The following ROBO2 variants were observed in gnomAD, a reference collection of about 807,000 sequenced individuals.
ROBO2 encodes roundabout guidance receptor 2, also known as roundabout homolog 2.
ROBO2 carries 53 observed loss-of-function variants against 160.8 expected under a neutral mutation model. That is an observed-to-expected ratio of 0.33 (90% CI 0.26 to 0.41). The LOEUF (loss-of-function observed/expected upper bound fraction) is 0.41. Ranked by LOEUF, ROBO2 falls within the 10% of genes least tolerant of loss-of-function variation. The pLI is 1.00. For synonymous variants in ROBO2, 664 were observed against 611.7 expected (o/e 1.09, Z -1.26); for missense variants, 1,577 against 1,722.4 (o/e 0.92, Z 1.49).
chr3:75,977,994 C>T (rs2065176143), intron 2 of ROBO2, among the ~76,000 whole-genome samples: 1 of 151,386 alleles, frequency 6.6e-6, no homozygotes, highest in African/African-American at 2.4e-5. Flanking sequence ...GTTAAATTAG[C>T]AAGAAGTAAT....
intron 2 of ROBO2, among the ~76,000 whole-genome samples, chr3:77,391,887 G>C (rs2153501607): frequency 6.6e-6 from 1 of 152,102 alleles, no homozygotes; most frequent in South Asian, 2.1e-4. Context: ...GTAAAGTGAT[G>C]TACTTTAGAT....
At chr3:77,156,717 C>T (rs140963725) in intron 2 of ROBO2, among the ~76,000 whole-genome samples, 4,723 of 150,192 alleles carry the variant, frequency 0.031, 251 homozygotes, top group African/African-American at 0.11. Flanking sequence ...GTGATTAGTA[C>T]TTTTTAATAT....
At chr3:77,519,504 C>T (rs1451465057) in intron 5 of ROBO2, among the ~76,000 whole-genome samples, 1 of 150,988 alleles carries the variant, frequency 6.6e-6, no homozygotes, top group Non-Finnish European at 1.5e-5. Context: ...CCCTTAACCC[C>T]CTCCTTCTCT....
At chr3:76,560,300 A>G (rs2084085388) in intron 2 of ROBO2, among the ~76,000 whole-genome samples, 1 of 152,044 alleles carries the variant, frequency 6.6e-6, no homozygotes, top group African/African-American at 2.4e-5. Flanking sequence ...AAACCCAAAT[A>G]TATCTTCCAC....
intron 5 of ROBO2, among the ~76,000 whole-genome samples, chr3:77,501,300 C>T (rs1343447957): frequency 6.6e-6 from 1 of 150,520 alleles, no homozygotes; most frequent in South Asian, 2.1e-4. Flanking sequence ...TAACTCTAAG[C>T]AAAAGGTAAA....
chr3:77,360,474 A>C (rs938317144), intron 2 of ROBO2, among the ~76,000 whole-genome samples: 3 of 152,200 alleles, frequency 2.0e-5, no homozygotes, highest in African/African-American at 7.2e-5. Flanking sequence ...AGTATCTATT[A>C]TCATAAAATG....
At chr3:76,049,401 A>ATTTTTTTT (rs1306305555) in intron 2 of ROBO2, among the ~76,000 whole-genome samples, 2,632 of 62,550 alleles carry the variant, frequency 0.042, 154 homozygotes, top group Middle Eastern at 0.11. Context: ...ATATATATAT[A>ATTTTTTTT]TATTTTTTTT....
intron 2 of ROBO2, among the ~76,000 whole-genome samples, chr3:76,555,401 A>G (rs567644708): frequency 1.4e-5 from 1 of 72,706 alleles, no homozygotes; most frequent in African/African-American, 2.9e-5. Flanking sequence ...AAGAAGAAGA[A>G]GAAGAAGAAG....
At chr3:77,049,426 A>G (rs1045254808) in intron 1 of ROBO2, among the ~76,000 whole-genome samples, 1 of 152,216 alleles carries the variant, frequency 6.6e-6, no homozygotes, top group African/African-American at 2.4e-5. Context: ...ATATGCATGT[A>G]GCATATCTGT....
chr3:76,501,874 G>A (rs529117148), intron 2 of ROBO2, among the ~76,000 whole-genome samples: 4 of 152,182 alleles, frequency 2.6e-5, no homozygotes, highest in Admixed American at 1.3e-4. Flanking sequence ...TTACATGTAC[G>A]CTGTTTGACT....
intron 2 of ROBO2, among the ~76,000 whole-genome samples, chr3:76,748,646 G>T (rs2597237): frequency 0.85 from 128,337 of 151,798 alleles, 54,361 homozygotes; most frequent in African/African-American, 0.88. Context: ...AAAACAAGTG[G>T]GTACATTTTT....
chr3:77,131,773 C>A (rs1205526124), intron 2 of ROBO2, among the ~76,000 whole-genome samples: 2 of 151,996 alleles, frequency 1.3e-5, no homozygotes, highest in Non-Finnish European at 2.9e-5. Context: ...AGTCTCCATT[C>A]TCTTTTTATA....
intron 1 of ROBO2, among the ~76,000 whole-genome samples, chr3:77,086,556 C>T (rs1347337413): frequency 1.3e-5 from 2 of 152,132 alleles, no homozygotes; most frequent in Admixed American, 6.5e-5. Flanking sequence ...CCTGCAGTAC[C>T]ATCCCTTACC....
At chr3:77,152,486 G>C (rs73095852) in intron 2 of ROBO2, among the ~76,000 whole-genome samples, 102 of 152,212 alleles carry the variant, frequency 6.7e-4, no homozygotes, top group Non-Finnish European at 1.2e-3. Flanking sequence ...AACAGCCACC[G>C]CTGACTGTGG....
chr3:76,401,547 T>A (rs542017580), intron 2 of ROBO2, among the ~76,000 whole-genome samples: 1 of 151,520 alleles, frequency 6.6e-6, no homozygotes, highest in South Asian at 2.1e-4. Flanking sequence ...TAAGTAAGGA[T>A]GAGCAATTAA....
At chr3:77,225,191 G>C (rs1340205548) in intron 2 of ROBO2, among the ~76,000 whole-genome samples, 2 of 151,678 alleles carry the variant, frequency 1.3e-5, no homozygotes, top group Non-Finnish European at 3.0e-5. Context: ...AATATATACA[G>C]ACCTCTTCCC....
At chr3:76,273,669 T>TCATCATGAGAACTCACTCAC (rs1199748565) in intron 2 of ROBO2, among the ~76,000 whole-genome samples, 12 of 152,058 alleles carry the variant, frequency 7.9e-5, no homozygotes, top group African/African-American at 2.9e-4. Flanking sequence ...AACTCACTCA[T>TCATCATGAGAACTCACTCAC]CATCATGAGA....
At chr3:75,931,224 G>T (rs1232915992) in intron 1 of ROBO2, among the ~76,000 whole-genome samples, 2 of 152,174 alleles carry the variant, frequency 1.3e-5, no homozygotes, top group African/African-American at 2.4e-5. Flanking sequence ...AACACTGTGG[G>T]TTTTTTCTTA....
chr3:76,046,469 G>A (rs1315135175), intron 2 of ROBO2, among the ~76,000 whole-genome samples: 4 of 151,830 alleles, frequency 2.6e-5, no homozygotes, highest in Non-Finnish European at 5.9e-5. Context: ...CTAACGCGGT[G>A]AAGCCCCGTC....
Sources: gnomAD v4.1 joint callset for allele counts (sites outside exome capture counted in the v4.1 genomes callset) on GRCh38, gnomAD v4.1.1 for gene constraint, MANE v1.5 for transcripts, NCBI Gene and HGNC (gene_info 2026-07-23, HGNC 2026-07-21) for gene names.